The following AGBL4 variants were observed in gnomAD, a reference collection of about 807,000 sequenced individuals.
AGBL4 encodes the protein AGBL carboxypeptidase 4, also known as cytosolic carboxypeptidase 6.
Under a neutral mutation model 66.4 loss-of-function variants are expected in AGBL4, and 58 were observed. The observed-to-expected ratio is 0.87, with a 90% CI of 0.71 to 1.09. The LOEUF is 1.09. Ranked by LOEUF, AGBL4 falls within the 50% of genes least tolerant of loss-of-function variation. The pLI, the probability that AGBL4 is intolerant of heterozygous loss-of-function variation, is 0.00. For missense variants in AGBL4, 579 were observed against 631.0 expected (o/e 0.92, Z 0.88); for synonymous variants, 234 against 222.9 (o/e 1.05, Z -0.44).
Position 48,534,191 on chromosome 1 carries a change from G to A in AGBL4, c.1494C>T (p.Asp498=). 1 of 1,551,544 alleles carries A rather than the reference G, an allele frequency of 6.4e-7. No homozygotes were observed. ...CGTGTCTTTAAAAAGGGGTTGAAGGGTCTTTGTGGTTCACTGAGCTCTTCT... is the reference window on the plus strand; with the variant it reads ...CGTGTCTTTAAAAAGGGGTTGAAGGATCTTTGTGGTTCACTGAGCTCTTCT... The part of the protein sequence containing the change: ...GDKKSSVNHK[D]PSTPF The change falls in exon 14 of 14, where the codon GAC becomes GAT. Residue 498 remains aspartate, a synonymous_variant. Transcript: ENST00000371839.
chr1:49,354,406 T>G (rs1414239983), intron 3 of AGBL4, among the ~76,000 whole-genome samples: 9 of 152,222 alleles, frequency 5.9e-5, no homozygotes, highest in Non-Finnish European at 1.5e-5. Flanking sequence ...CTCTCCAGCT[T>G]CCCTCTTAAC....
rs1180661080 is a variant in AGBL4 at position 49,079,298 on chromosome 1, A to G, written c.378-33498T>C. ...TGTATTAATCCATTTTCACACTGCT[A>G]CAAAGAAATACCTGAAACTGGGTAA... On this transcript the variant is annotated intron_variant, in intron 4 of 13. Transcript: ENST00000371839. Among the ~76,000 whole-genome samples, 4 of 152,206 alleles carry G rather than the reference A, an allele frequency of 2.6e-5. No homozygotes were observed. The East Asian group carries it at 7.7e-4, about 29-fold the overall frequency.
At chr1:49,794,144 A>G (rs1315367844) in intron 2 of AGBL4, among the ~76,000 whole-genome samples, 1 of 151,940 alleles carries the variant, frequency 6.6e-6, no homozygotes, top group Non-Finnish European at 1.5e-5. Context: ...TGTGTTTGTC[A>G]TATTTTGCTC....
chr1:48,913,683 G>T (rs533847973), intron 5 of AGBL4, among the ~76,000 whole-genome samples: 71 of 152,262 alleles, frequency 4.7e-4, no homozygotes, highest in African/African-American at 1.3e-3. Flanking sequence ...AATTATTATG[G>T]TAAGTTGTAT....
chr1:49,697,435 T>A lies in AGBL4; in HGVS notation c.160A>T (p.Asn54Tyr). The A allele has an allele frequency of 6.6e-7, 1 of 1,505,854 alleles. No individual in the cohort carries two copies. The highest frequency in any genetic ancestry group is 1.3e-5 in the South Asian group (1 of 79,222). 93.3% of individuals were successfully genotyped at this position (1,505,854 alleles called of 1,614,324 possible). Reference protein sequence around the residue: ...LIFDACFESGNLGRVDQVSEF... With the variant: ...LIFDACFESGYLGRVDQVSEF... ...GAGACCTGGTCCACCCGGCCCAGGTTACCTGGTAATAAAAATTAAGAGAAT... is the reference window on the plus strand; with the variant it reads ...GAGACCTGGTCCACCCGGCCCAGGTAACCTGGTAATAAAAATTAAGAGAAT... The change falls in exon 3 of 14, where the codon AAC becomes TAC. Residue 54 changes from asparagine (N) to tyrosine (Y), a missense_variant and splice_region_variant. By Grantham distance (143) the Asn-to-Tyr change is moderately radical. Transcript: ENST00000371839.
chr1:49,312,816 T>C (rs1644964515), intron 3 of AGBL4, among the ~76,000 whole-genome samples: 1 of 152,132 alleles, frequency 6.6e-6, no homozygotes, highest in Non-Finnish European at 1.5e-5. Flanking sequence ...TCTAAAACAC[T>C]GACAACACCA....
chr1:49,160,769 A>G (rs1646525211), intron 4 of AGBL4, among the ~76,000 whole-genome samples: 1 of 152,126 alleles, frequency 6.6e-6, no homozygotes, highest in Admixed American at 6.5e-5. Flanking sequence ...GAATCCAGAG[A>G]GGCAGTCTGG....
intron 5 of AGBL4, among the ~76,000 whole-genome samples, chr1:48,884,970 G>A (rs1313732996): frequency 1.3e-5 from 1 of 77,366 alleles, no homozygotes; most frequent in Non-Finnish European, 2.7e-5. Flanking sequence ...AAGAGAGAGA[G>A]GCAGATTTAA....
intron 1 of AGBL4, among the ~76,000 whole-genome samples, chr1:49,978,075 G>A (rs1302585660): frequency 6.6e-6 from 1 of 152,154 alleles, no homozygotes; most frequent in South Asian, 2.1e-4. Context: ...AATTTGGCTT[G>A]ACATAGAATT....
At chr1:49,149,931 A>T (rs1646294946) in intron 4 of AGBL4, among the ~76,000 whole-genome samples, 1 of 152,216 alleles carries the variant, frequency 6.6e-6, no homozygotes, top group Admixed American at 6.5e-5. Flanking sequence ...GATACTTCAC[A>T]TGCACTCATT....
intron 9 of AGBL4, among the ~76,000 whole-genome samples, chr1:48,601,696 G>T (rs893316842): frequency 6.6e-6 from 1 of 152,174 alleles, no homozygotes; most frequent in Non-Finnish European, 1.5e-5. Context: ...ATAGGATTAT[G>T]ATCTTAGTTT....
At chr1:49,166,464 C>A (rs944717850) in intron 4 of AGBL4, among the ~76,000 whole-genome samples, 2 of 152,096 alleles carry the variant, frequency 1.3e-5, no homozygotes, top group Non-Finnish European at 2.9e-5. Flanking sequence ...GGTTCTGTAG[C>A]TATCTTAATA....
intron 2 of AGBL4, among the ~76,000 whole-genome samples, chr1:49,716,727 G>C (rs1648172803): frequency 6.6e-6 from 1 of 151,964 alleles, no homozygotes; most frequent in Admixed American, 6.6e-5. Flanking sequence ...AAATTCAACA[G>C]TGCTTCATGC....
intron 1 of AGBL4, among the ~76,000 whole-genome samples, chr1:49,935,892 CAG>C (rs1237343660): frequency 6.6e-6 from 1 of 152,174 alleles, no homozygotes; most frequent in Non-Finnish European, 1.5e-5. Flanking sequence ...GGGGAAAAAA[CAG>C]AGCAGAAAAA....
chr1:49,153,170 C>A (rs988430684), intron 4 of AGBL4, among the ~76,000 whole-genome samples: 5 of 152,122 alleles, frequency 3.3e-5, no homozygotes, highest in African/African-American at 9.7e-5. Context: ...ACAGATGCCT[C>A]ATGATGCCCT....
rs1041035543 is a variant in AGBL4, at chr1:48,587,271, G to A, written c.1105-105C>T. 6.3e-6 allele frequency: 7 copies of A among 1,109,240 alleles called. No individual in the cohort carries two copies. The African/African-American group carries it at 9.5e-5, about 15-fold the overall frequency. The allele number at this position is 1,109,240 out of a possible 1,614,324, so 68.7% of individuals were successfully genotyped here. The stretch of plus-strand genomic sequence containing the variant: ...GGGTCTCAGCTTCACTGTCTGAAGA[G>A]TGGGATATTAGCCCCTCATCACATG... On this transcript the variant is annotated intron_variant, in intron 10 of 13. Coordinates refer to ENST00000371839, the MANE Select transcript of AGBL4 (RefSeq NM_032785.4).
intron 3 of AGBL4, among the ~76,000 whole-genome samples, chr1:49,460,332 G>A (rs74844507): frequency 0.036 from 5,399 of 151,516 alleles, 194 homozygotes; most frequent in African/African-American, 0.1. Context: ...TCCTTTTATC[G>A]TTATATGATG....
intron 3 of AGBL4, among the ~76,000 whole-genome samples, chr1:49,338,487 A>G (rs966044578): frequency 3.5e-4 from 53 of 152,152 alleles, no homozygotes; most frequent in African/African-American, 1.3e-3. Flanking sequence ...TTGTATTTTA[A>G]GAGTAGAGAT....
chr1:48,545,587 T>C (rs1220226162), intron 11 of AGBL4, among the ~76,000 whole-genome samples: 1 of 152,226 alleles, frequency 6.6e-6, no homozygotes, highest in African/African-American at 2.4e-5. Context: ...CTATTCATTA[T>C]GAACAAAAAT....
Sources: gnomAD v4.1 joint callset for allele counts (sites outside exome capture counted in the v4.1 genomes callset) on GRCh38, gnomAD v4.1.1 for gene constraint, MANE v1.5 for transcripts, NCBI Gene and HGNC (gene_info 2026-07-23, HGNC 2026-07-21) for gene names.